The following GDA variants were observed in gnomAD, a reference collection of about 807,000 sequenced individuals.
The protein encoded by GDA is guanine deaminase.
GDA carries 18 observed loss-of-function variants against 59.6 expected under a neutral mutation model. The ratio of observed to expected loss-of-function variants is 0.30; its 90% CI spans 0.21 to 0.45. The LOEUF (loss-of-function observed/expected upper bound fraction) is 0.45, where lower values mean the gene tolerates loss of function less well. GDA is among the 20% of genes least tolerant of loss of function. The pLI is 1.00. For missense variants in GDA, 427 were observed against 552.3 expected (o/e 0.77, Z 2.27); for synonymous variants, 201 against 201.1 (o/e 1.00, Z 0.00).
intron 10 of GDA, among the ~76,000 whole-genome samples, chr9:72,236,317 G>C (rs573274667): frequency 1.3e-5 from 2 of 152,108 alleles, no homozygotes; most frequent in Non-Finnish European, 2.9e-5. Context: ...ATGGCCCACC[G>C]CTTGGGGATT....
chr9:72,128,089 G>T (rs867578569), intron 1 of GDA, among the ~76,000 whole-genome samples: 2 of 152,082 alleles, frequency 1.3e-5, no homozygotes, highest in Non-Finnish European at 2.9e-5. Context: ...AGTTATCCAC[G>T]TCCTCACAGA....
At chr9:72,132,392 G>A (rs1000982384) in intron 1 of GDA, among the ~76,000 whole-genome samples, 2 of 152,064 alleles carry the variant, frequency 1.3e-5, no homozygotes, top group African/African-American at 4.8e-5. Flanking sequence ...CCTGAGGGAG[G>A]GTGAGTGCAC....
downstream of GDA, chr9:72,253,593 C>T (rs1326042623): frequency 2.0e-5 from 3 of 152,156 alleles, no homozygotes; most frequent in Non-Finnish European, 4.4e-5. Flanking sequence ...TCACCAGACT[C>T]ATGCGAGAGG....
chr9:72,123,647 C>A (rs1042034298), intron 1 of GDA, among the ~76,000 whole-genome samples: 1 of 151,884 alleles, frequency 6.6e-6, no homozygotes, highest in African/African-American at 2.4e-5. Flanking sequence ...ACCACCACGC[C>A]CAGCTAATTT....
intron 9 of GDA, among the ~76,000 whole-genome samples, chr9:72,230,540 G>T: frequency 6.7e-6 from 1 of 150,080 alleles, no homozygotes; most frequent in African/African-American, 2.5e-5. Context: ...CATCTCTTTA[G>T]CTCAGAGTCA....
intron 1 of GDA, among the ~76,000 whole-genome samples, chr9:72,191,527 A>G (rs1363340885): frequency 6.7e-6 from 1 of 148,924 alleles, no homozygotes; most frequent in Non-Finnish European, 1.5e-5. Context: ...GCCAGACTGC[A>G]GTGGTGCTAT....
At chr9:72,239,956 A>G (rs1180622497) in intron 10 of GDA, among the ~76,000 whole-genome samples, 1 of 152,196 alleles carries the variant, frequency 6.6e-6, no homozygotes, top group Non-Finnish European at 1.5e-5. Context: ...TAACAATTAC[A>G]TATGTCTACC....
At chr9:72,222,927 G>C (rs528353038) in intron 6 of GDA, among the ~76,000 whole-genome samples, 193 bp from the exon 7 acceptor site, 1 of 152,196 alleles carries the variant, frequency 6.6e-6, no homozygotes, top group East Asian at 1.9e-4. Flanking sequence ...GGCTGGTCTC[G>C]AACTCCCGGC....
rs998556042 is a variant in GDA at position 72,126,627 on chromosome 9, C to T, written c.-100+11794C>T. ...TGTCACCTAGGCTGGAGTGCAGCGG[C>T]GCGATCTCGGCTCACTGCAACCTCT... On this transcript the variant is annotated intron_variant, in intron 1 of 13. Transcript: ENST00000545168. Among the ~76,000 whole-genome samples, 3 of 147,542 alleles carry T rather than the reference C, an allele frequency of 2.0e-5. No homozygotes were observed. The South Asian group carries it at 6.4e-4, about 31-fold the overall frequency.
At chr9:72,241,041 T>TAA (rs5898250) in intron 10 of GDA, 111 bp from the exon 11 acceptor site, 6 of 672,414 alleles carry the variant, frequency 8.9e-6, no homozygotes, top group Non-Finnish European at 1.2e-5. Context: ...AAGAGCTTTT[T>TAA]AAAAAAAGTA....
At chr9:72,192,604 G>A (rs923083559) in intron 1 of GDA, among the ~76,000 whole-genome samples, 5 of 150,908 alleles carry the variant, frequency 3.3e-5, no homozygotes, top group East Asian at 2.0e-4. Context: ...ACTCTGGGCC[G>A]GGCACATTGC....
rs1471001260 is a variant in GDA at position 72,249,263 on chromosome 9, A to T, written c.*921A>T. 1.0e-6 allele frequency: 1 copy of T among 985,346 alleles called. No homozygotes were observed. The highest frequency in any genetic ancestry group is 1.2e-6 in the Non-Finnish European group (1 of 829,874). 61.0% of individuals were successfully genotyped at this position (985,346 alleles called of 1,614,324 possible). On this transcript the variant is annotated 3_prime_UTR_variant, in exon 14 of 14. Coordinates refer to ENST00000358399, the MANE Select transcript of GDA (RefSeq NM_004293.5). ...CTGGCATCCAGGAGCCGCCAATACT[A>T]ACAGGACAGGTTCCATTGCCATGGC...
In GDA at chr9:72,227,965, A is replaced by G; in HGVS notation, c.845A>G (p.Tyr282Cys). The G allele has an allele frequency of 6.2e-7, 1 of 1,605,650 alleles. No homozygotes were observed. Among genetic ancestry groups the G allele is most frequent in the East Asian group, 2.2e-5 (1 of 44,848 alleles). Residue 282 changes from tyrosine (Y) to cysteine (C), a missense_variant, in exon 9 of 14, where the codon TAC (tyrosine) becomes TGC (cysteine). Coordinates refer to ENST00000358399, the MANE Select transcript of GDA (RefSeq NM_004293.5). ...TNKTVMAHGC[Y>C]LSAEELNVFH... ...CAGACAGTGATGGCACACGGCTGCTACCTCTCTGCAGAAGAACTGAACGTA... is the reference window on the plus strand; with the variant it reads ...CAGACAGTGATGGCACACGGCTGCTGCCTCTCTGCAGAAGAACTGAACGTA...
chr9:72,189,112 T>C (rs533437189), intron 1 of GDA, among the ~76,000 whole-genome samples: 14 of 149,200 alleles, frequency 9.4e-5, no homozygotes, highest in Non-Finnish European at 1.6e-4. Context: ...AATATGCCTA[T>C]GGATGAATCC....
At chr9:72,182,883 A>T (rs1182596017) in intron 1 of GDA, among the ~76,000 whole-genome samples, 2 of 152,026 alleles carry the variant, frequency 1.3e-5, no homozygotes, top group Non-Finnish European at 2.9e-5. Flanking sequence ...TATTCTTTGG[A>T]TTTTAATTTG....
chr9:72,221,143 C>G (rs569852074), intron 6 of GDA, among the ~76,000 whole-genome samples: 6 of 152,280 alleles, frequency 3.9e-5, no homozygotes, highest in African/African-American at 1.2e-4. Flanking sequence ...CAGGTGCCAC[C>G]AGAGCCAATC....
intron 7 of GDA, 77 bp downstream of exon 7, chr9:72,223,304 T>A (rs1837137147): frequency 1.3e-6 from 1 of 779,826 alleles, no homozygotes; most frequent in Admixed American, 2.2e-5. Flanking sequence ...TCATTTCCAA[T>A]AATCTGTAGT....
chr9:72,158,861 A>G (rs1828259841), intron 1 of GDA, among the ~76,000 whole-genome samples: 2 of 148,028 alleles, frequency 1.4e-5, no homozygotes, highest in Non-Finnish European at 3.0e-5. Flanking sequence ...CCTTGAGACA[A>G]GGTAAGGACA....
At chr9:72,174,279 G>T (rs982259740) in intron 1 of GDA, among the ~76,000 whole-genome samples, 1 of 152,292 alleles carries the variant, frequency 6.6e-6, no homozygotes, top group African/African-American at 2.4e-5. Context: ...TAATAGGAAA[G>T]ACAGATATGA....
Sources: allele counts gnomAD v4.1 joint callset (sites outside exome capture counted in the v4.1 genomes callset), GRCh38; gene constraint gnomAD v4.1.1; transcripts MANE v1.5; gene names NCBI Gene and HGNC (gene_info 2026-07-23, HGNC 2026-07-21).